Variants in CEACAM19 observed in about 807,000 individuals in gnomAD.
The protein encoded by CEACAM19 is cell adhesion molecule CEACAM19.
CEACAM19 carries 37 observed loss-of-function variants against 37.6 expected under a neutral mutation model. The observed-to-expected ratio is 0.98, with a 90% CI of 0.76 to 1.29. CEACAM19 has a LOEUF of 1.29. CEACAM19 is among the 50% of genes most tolerant of loss of function. CEACAM19 has a pLI of 0.00. For missense variants in CEACAM19, 340 were observed against 375.6 expected (o/e 0.91, Z 0.78); for synonymous variants, 140 against 149.8 (o/e 0.93, Z 0.48).
chr19:44,680,328 G>C lies in CEACAM19; in HGVS notation c.700G>C (p.Asp234His). The change falls in exon 5 of 8, where the codon GAT becomes CAT. Residue 234 changes from aspartate (D) to histidine (H), a missense_variant. Physicochemically the swap from Asp to His is moderately conservative, Grantham distance 81 (BLOSUM62 -1). Coordinates refer to ENST00000358777, the MANE Select transcript of CEACAM19 (RefSeq NM_001127893.3). ...GAAGCCAGAATTGGGCCCTGCTCAT[G>C]ATGCTGGTAAGGCGGGAGCCCCAGA... The part of the protein sequence containing the change: ...TEKPELGPAH[D>H]AGDNNIYEVM... 1 of 1,609,694 alleles carries C rather than the reference G, an allele frequency of 6.2e-7. No homozygotes were observed. The highest frequency in any genetic ancestry group is 8.5e-7 in the Non-Finnish European group (1 of 1,179,142).
At chr19:44,672,132 A>G in intron 1 of CEACAM19, 146 bp downstream of exon 1, 1 of 683,470 alleles carries the variant, frequency 1.5e-6, no homozygotes, top group Non-Finnish European at 2.5e-6. Context: ...TCACAGCCTC[A>G]TTGCCATTTT....
chr19:44,667,716 TATAA>T (rs1251864386), upstream of CEACAM19, among the ~76,000 whole-genome samples: 7 of 76,620 alleles, frequency 9.1e-5, no homozygotes, highest in Admixed American at 4.7e-4. Flanking sequence ...TATAAATATA[TATAA>T]ATTATATATT....
At chr19:44,668,843 G>A (rs1458921980), upstream of CEACAM19, among the ~76,000 whole-genome samples, 2 of 97,318 alleles carry the variant, frequency 2.1e-5, no homozygotes, top group South Asian at 3.2e-4. Context: ...TTTTGGAGAT[G>A]GAGTCTTGCT....
At chr19:44,667,628 A>T (rs867764908), upstream of CEACAM19, among the ~76,000 whole-genome samples, 5,682 of 93,718 alleles carry the variant, frequency 0.061, 221 homozygotes, top group Non-Finnish European at 0.088. Flanking sequence ...ATTTATAAAT[A>T]TATAAATATA....
intron 4 of CEACAM19, 87 bp downstream of exon 4, chr19:44,679,023 C>T (rs1974006025): frequency 8.3e-6 from 13 of 1,558,250 alleles, no homozygotes; most frequent in Non-Finnish European, 1.0e-5. Flanking sequence ...GTCAAAGTCT[C>T]ACTCTGTTGC....
At chr19:44,668,137 ATATAT>A (rs1465700976), upstream of CEACAM19, among the ~76,000 whole-genome samples, 42 of 87,510 alleles carry the variant, frequency 4.8e-4, no homozygotes, top group Middle Eastern at 0.014. Flanking sequence ...TTTTTATATA[ATATAT>A]TATATATATT....
In CEACAM19 at chr19:44,671,511, C is replaced by G; in HGVS notation, c.-421C>G. ...CTCTTTTCCTGGGCCTCTGTTTCCA[C>G]ATCTGTGCAATGGGAACAGTTATTT... On this transcript the variant is annotated 5_prime_UTR_variant, in exon 1 of 8. Transcript: ENST00000358777. The G allele has an allele frequency of 5.0e-6, 2 of 399,406 alleles. No individual in the cohort carries two copies. The highest frequency in any genetic ancestry group is 8.8e-6 in the Non-Finnish European group (2 of 226,974). 24.7% of individuals were successfully genotyped at this position (399,406 alleles called of 1,614,324 possible). A position where few individuals can be genotyped will look rare whatever the true frequency, so the allele number is the denominator to read the frequency against.
intron 5 of CEACAM19, 28 bp downstream of exon 5, chr19:44,680,362 C>T: frequency 6.3e-7 from 1 of 1,596,088 alleles, no homozygotes; most frequent in South Asian, 1.1e-5. Context: ...GATCTCACTA[C>T]CTAGCCCTCC....
chr19:44,671,855 C>A lies in CEACAM19; in HGVS notation c.-77C>A. On this transcript the variant is annotated 5_prime_UTR_variant, in exon 1 of 8. An upstream open reading frame in the 5' UTR gains an earlier in-frame stop. Transcript: ENST00000358777. ...GGATCCCCACTGAGCTGGCCTACTTCAGACAGCCAGGGCCCACCCCTCTGG... is the reference window on the plus strand; with the variant it reads ...GGATCCCCACTGAGCTGGCCTACTTAAGACAGCCAGGGCCCACCCCTCTGG... 7.3e-7 allele frequency: 1 copy of A among 1,363,396 alleles called. No individual in the cohort carries two copies. Among genetic ancestry groups the A allele is most frequent in the Non-Finnish European group, 1.0e-6 (1 of 976,564 alleles). 84.5% of individuals were successfully genotyped at this position (1,363,396 alleles called of 1,614,324 possible). A position where few individuals can be genotyped will look rare whatever the true frequency, so the allele number is the denominator to read the frequency against.
At chr19:44,680,836 G>C (rs1029248424) in intron 5 of CEACAM19, among the ~76,000 whole-genome samples, 3 of 151,952 alleles carry the variant, frequency 2.0e-5, no homozygotes, top group African/African-American at 7.3e-5. Flanking sequence ...TCTCTCACCA[G>C]ACCTCTGCAC....
At chr19:44,683,056 CTCT>C in intron 7 of CEACAM19, 1 of 65,238 alleles carries the variant, frequency 1.5e-5, no homozygotes, top group Non-Finnish European at 2.5e-5. Flanking sequence ...CTTTCTTGGA[CTCT>C]CTCTCTCTCT....
Position 44,682,695 on chromosome 19 carries a change from G to T in CEACAM19, c.846+75G>T, listed in dbSNP as rs1036669465. ...AGCCCCGAAGCCGGGGTGGGGAGGG[G>T]TCAAGACAACTGAAACTGGGGGCTT... is the stretch of plus-strand genomic sequence containing the variant. On this transcript the variant is annotated intron_variant, in intron 7 of 7. Transcript: ENST00000358777. 3 of 1,404,338 alleles carry T rather than the reference G, an allele frequency of 2.1e-6. No homozygotes were observed. The African/African-American group carries it at 4.4e-5, about 21-fold the overall frequency. 87.0% of individuals were successfully genotyped at this position (1,404,338 alleles called of 1,614,324 possible).
rs1359429397 is a variant in CEACAM19, at chr19:44,672,699, C to G, written c.159C>G (p.Val53=). The G allele has an allele frequency of 2.5e-6, 4 of 1,575,992 alleles. No individual in the cohort carries two copies. The highest frequency in any genetic ancestry group is 3.7e-5 in the Admixed American group (2 of 54,702). The stretch of plus-strand genomic sequence containing the variant: ...AGAACCAGGACCTTCTCCTGTCAGT[C>G]CAGGGTGTCCCAGACACCTTCCAGG... ...PQKNQDLLLS[V]QGVPDTFQDF... The change falls in exon 2 of 8, where the codon GTC becomes GTG. Residue 53 remains valine, a synonymous_variant. Coordinates refer to ENST00000358777, the MANE Select transcript of CEACAM19 (RefSeq NM_001127893.3).
chr19:44,680,142 T>C (rs2122147380), intron 4 of CEACAM19, 146 bp from the exon 5 acceptor site: 1 of 579,304 alleles, frequency 1.7e-6, no homozygotes, highest in Non-Finnish European at 3.1e-6. Flanking sequence ...AAGTCTGGGA[T>C]AGTTCAGGCC....
intron 2 of CEACAM19, among the ~76,000 whole-genome samples, chr19:44,673,237 T>C (rs1195343733): frequency 6.6e-6 from 1 of 152,200 alleles, no homozygotes; most frequent in Non-Finnish European, 1.5e-5. Flanking sequence ...TAACCAAATT[T>C]TTATCGAGCA....
chr19:44,669,589 T>A (rs1004100426), upstream of CEACAM19, among the ~76,000 whole-genome samples: 3 of 151,954 alleles, frequency 2.0e-5, no homozygotes, highest in Non-Finnish European at 2.9e-5. Context: ...CCTTCCTGGC[T>A]CCACTCACCC....
At chr19:44,674,674 A>G (rs765614856) in intron 2 of CEACAM19, among the ~76,000 whole-genome samples, 9 of 152,228 alleles carry the variant, frequency 5.9e-5, no homozygotes, top group Non-Finnish European at 8.8e-5. Flanking sequence ...AAGTGCTGGG[A>G]TTACAGGCGT....
At chr19:44,683,181 T>C in intron 7 of CEACAM19, 1 of 411,004 alleles carries the variant, frequency 2.4e-6, no homozygotes, top group Non-Finnish European at 4.4e-6. Flanking sequence ...TCTTCGTTTC[T>C]CTGCATCTCT....
intron 2 of CEACAM19, 96 bp downstream of exon 2, chr19:44,673,060 C>T: frequency 9.2e-7 from 1 of 1,082,312 alleles, no homozygotes. Context: ...TCATTTGGTC[C>T]TCTCATTTAT....
Sources: gnomAD v4.1 joint callset for allele counts (sites outside exome capture counted in the v4.1 genomes callset) on GRCh38, gnomAD v4.1.1 for gene constraint, MANE v1.5 for transcripts, NCBI Gene and HGNC (gene_info 2026-07-23, HGNC 2026-07-21) for gene names.